Variants in TFEC observed in about 807,000 individuals in gnomAD.
TFEC encodes the protein transcription factor EC, also known as class E basic helix-loop-helix protein 34.
In TFEC, 31 loss-of-function variants were observed where a neutral mutation model predicts 41.6. The ratio of observed to expected loss-of-function variants is 0.74; its 90% confidence interval spans 0.56 to 1.01. TFEC has a LOEUF of 1.01. TFEC is among the 50% of genes least tolerant of loss of function. The pLI, the probability that TFEC is intolerant of heterozygous loss-of-function variation, is 0.00. For missense variants in TFEC, 402 were observed against 404.1 expected, an observed-to-expected ratio of 0.99 and a Z score of 0.04; for synonymous variants, 143 against 140.6, an observed-to-expected ratio of 1.02 and a Z score of -0.12.
At chr7:116,021,995 C>T (rs1203543991) in intron 1 of TFEC, among the ~76,000 whole-genome samples, 2 of 152,134 alleles carry the variant, frequency 1.3e-5, no homozygotes, top group African/African-American at 4.8e-5. Flanking sequence ...CTGGGGAGAA[C>T]AGGCTTATCG....
At chr7:116,127,820 A>G (rs758723668) in intron 1 of TFEC, among the ~76,000 whole-genome samples, 1 of 152,110 alleles carries the variant, frequency 6.6e-6, no homozygotes, top group Non-Finnish European at 1.5e-5. Context: ...ACAAATTCAT[A>G]GCATGTTATG....
In TFEC at chr7:116,064,852, C is replaced by T. The variant is rs553951121; in HGVS notation, c.198+45856G>A. Among the ~76,000 whole-genome samples, 11 of 152,196 alleles carry T rather than the reference C, an allele frequency of 7.2e-5. No homozygotes were observed. The East Asian group carries it at 1.3e-3, about 19-fold the overall frequency. ...CTCCAGAACTGTTGGCCACAGGTAC[C>T]CCTGAAAATAAGATGAGAACTGAAA... On this transcript the variant is annotated intron_variant, in intron 3 of 8. Coordinates refer to the TFEC transcript ENST00000484212.
chr7:116,088,107 T>C (rs770701497), intron 3 of TFEC, among the ~76,000 whole-genome samples: 1 of 152,074 alleles, frequency 6.6e-6, no homozygotes, highest in Non-Finnish European at 1.5e-5. Flanking sequence ...CTATTTCCTG[T>C]GCCTAGAGTA....
intron 3 of TFEC, among the ~76,000 whole-genome samples, chr7:116,037,711 T>C (rs912753195): frequency 3.3e-5 from 5 of 151,988 alleles, no homozygotes; most frequent in African/African-American, 7.2e-5. Context: ...ATCTAAAATA[T>C]AGGAGTTCAT....
intron 1 of TFEC, among the ~76,000 whole-genome samples, chr7:116,132,428 T>A (rs999976856): frequency 6.6e-6 from 1 of 152,208 alleles, no homozygotes; most frequent in Admixed American, 6.5e-5. Context: ...AAGCTTAGAA[T>A]ATTATCAGCT....
chr7:115,984,105 CAT>C (rs1793743780), intron 2 of TFEC, among the ~76,000 whole-genome samples, 155 bp downstream of exon 2: 1 of 151,932 alleles, frequency 6.6e-6, no homozygotes, highest in African/African-American at 2.4e-5. Flanking sequence ...AATTTATATG[CAT>C]ATAGTTAATA....
chr7:115,956,833 C>T, intron 3 of TFEC, 40 bp from the exon 4 acceptor site: 8 of 1,318,962 alleles, frequency 6.1e-6, no homozygotes, highest in African/African-American at 1.5e-5. Flanking sequence ...TAAAAACCTT[C>T]TGTGCAAATT....
At chr7:116,105,895 T>A (rs1797706402) in intron 3 of TFEC, among the ~76,000 whole-genome samples, 1 of 152,062 alleles carries the variant, frequency 6.6e-6, no homozygotes, top group Non-Finnish European at 1.5e-5. Context: ...CTTTTCCCCA[T>A]CTCTTTCCAC....
intron 3 of TFEC, among the ~76,000 whole-genome samples, chr7:116,040,580 A>C (rs1049236072): frequency 6.6e-6 from 1 of 152,190 alleles, no homozygotes; most frequent in East Asian, 1.9e-4. Flanking sequence ...AATTTATTTT[A>C]TCTCTCCAGG....
intron 3 of TFEC, among the ~76,000 whole-genome samples, chr7:116,097,449 T>G (rs769031574): frequency 6.6e-6 from 1 of 152,196 alleles, no homozygotes; most frequent in African/African-American, 2.4e-5. Context: ...ACATCAATAT[T>G]CTTGCATTTT....
At chr7:116,009,215 T>C (rs576791206) in intron 1 of TFEC, among the ~76,000 whole-genome samples, 5 of 152,282 alleles carry the variant, frequency 3.3e-5, no homozygotes, top group African/African-American at 1.2e-4. Flanking sequence ...GCAATAACCA[T>C]GGTTTGTTTA....
At chr7:116,085,349 C>G (rs567345074) in intron 3 of TFEC, among the ~76,000 whole-genome samples, 3 of 151,796 alleles carry the variant, frequency 2.0e-5, no homozygotes, top group African/African-American at 7.3e-5. Context: ...AGTTTTTAAA[C>G]CAAGAGAGAA....
At chr7:116,155,386 C>T (rs1798848967) in intron 1 of TFEC, among the ~76,000 whole-genome samples, 1 of 152,192 alleles carries the variant, frequency 6.6e-6, no homozygotes, top group Admixed American at 6.5e-5. Context: ...CAATTTCTCG[C>T]TATGCTACAG....
chr7:115,982,187 C>A (rs1180888982), intron 2 of TFEC, among the ~76,000 whole-genome samples: 1 of 150,342 alleles, frequency 6.7e-6, no homozygotes, highest in East Asian at 1.9e-4. Flanking sequence ...CCTGATGTCA[C>A]AGGTGGAAAA....
intron 3 of TFEC, among the ~76,000 whole-genome samples, chr7:116,110,157 A>G (rs1038059175): frequency 2.0e-5 from 3 of 152,214 alleles, no homozygotes; most frequent in Non-Finnish European, 4.4e-5. Flanking sequence ...GCGCACCAAC[A>G]TGGCACATGT....
intron 1 of TFEC, among the ~76,000 whole-genome samples, chr7:116,021,899 T>C (rs556649329): frequency 6.6e-6 from 1 of 152,338 alleles, no homozygotes; most frequent in East Asian, 1.9e-4. Context: ...TTAAGTCATA[T>C]TGTTTAAGAG....
chr7:116,050,078 G>A (rs1370009642), intron 3 of TFEC, among the ~76,000 whole-genome samples: 1 of 152,086 alleles, frequency 6.6e-6, no homozygotes, highest in African/African-American at 2.4e-5. Context: ...AACTAGAGAA[G>A]CAACAGCAAA....
At chr7:116,110,256 A>G (rs182325463) in intron 3 of TFEC, among the ~76,000 whole-genome samples, 70 of 152,256 alleles carry the variant, frequency 4.6e-4, no homozygotes, top group Non-Finnish European at 1.0e-4. Flanking sequence ...CCTACACACT[A>G]CACCACTTCT....
At position 116,029,174 on chromosome 7, in the gene TFEC, T is replaced by TA. The variant is rs1303699531; in HGVS notation, c.-73+1458dup. 3.3e-5 allele frequency among the ~76,000 whole-genome samples: 5 copies of TA among 150,806 alleles called. No homozygotes were observed. In the East Asian group the frequency reaches 7.7e-4, roughly 23 times the overall value. ...CTGTTTTGGAATAAAATTGAAAACT[T>TA]AAAAAAAAAGTAATAATAACCCAAA... On this transcript the variant is annotated intron_variant, in intron 1 of 7. Coordinates refer to ENST00000265440, the MANE Select transcript of TFEC (RefSeq NM_012252.4).
Sources: gnomAD v4.1 joint callset for allele counts (sites outside exome capture counted in the v4.1 genomes callset) on GRCh38, gnomAD v4.1.1 for gene constraint, MANE v1.5 for transcripts, NCBI Gene and HGNC (gene_info 2026-07-23, HGNC 2026-07-21) for gene names.